The following FGF12 variants were observed in gnomAD, a reference collection of about 807,000 sequenced individuals.
The protein encoded by FGF12 is fibroblast growth factor 12.
A neutral mutation model predicts 23.6 loss-of-function variants in FGF12; 14 were observed. The observed-to-expected ratio is 0.59, with a 90% CI of 0.39 to 0.93. The LOEUF (loss-of-function observed/expected upper bound fraction) is 0.93, where lower values mean the gene tolerates loss of function less well. Ranked by LOEUF, FGF12 falls within the 40% of genes least tolerant of loss-of-function variation. The pLI is 0.00. For synonymous variants in FGF12, 62 were observed against 77.3 expected, an observed-to-expected ratio of 0.80 and a Z score of 1.04; for missense variants, 175 against 217.8, an observed-to-expected ratio of 0.80 and a Z score of 1.24.
rs182627235 is a variant in FGF12, at chr3:192,321,127, A to C, written c.228+14234T>G. Among the ~76,000 whole-genome samples the C allele has an allele frequency of 9.2e-5, 14 of 152,248 alleles. No individual in the cohort carries two copies. In the East Asian group the frequency reaches 2.3e-3, roughly 25 times the overall value. On this transcript the variant is annotated intron_variant, in intron 4 of 5. Transcript: ENST00000445105. ...AAAATCAGAGACAAAAAAAGGAGAC[A>C]TTACAACTGCTACCACAGAAATTCA...
intron 2 of FGF12, among the ~76,000 whole-genome samples, chr3:192,387,716 AC>A (rs1207377001): frequency 6.3e-5 from 9 of 142,542 alleles, no homozygotes; most frequent in African/African-American, 2.3e-4. Context: ...ACACACACAC[AC>A]AATATATATA....
chr3:192,663,736 G>A (rs1335970762), intron 2 of FGF12, among the ~76,000 whole-genome samples: 6 of 151,688 alleles, frequency 4.0e-5, no homozygotes, highest in Admixed American at 2.6e-4. Flanking sequence ...CTCTCAGAAC[G>A]GTTTCCTTCC....
chr3:192,226,793 C>A (rs1457497146), intron 4 of FGF12, among the ~76,000 whole-genome samples: 1 of 151,928 alleles, frequency 6.6e-6, no homozygotes, highest in Non-Finnish European at 1.5e-5. Flanking sequence ...AATGTTATCA[C>A]CACAAAAATG....
intron 4 of FGF12, among the ~76,000 whole-genome samples, chr3:192,302,093 G>A (rs1472460710): frequency 6.6e-6 from 1 of 152,166 alleles, no homozygotes; most frequent in Admixed American, 6.5e-5. Context: ...CACAACACTT[G>A]CTTTGCAGAA....
rs1216542838 is a variant in FGF12, at chr3:192,378,027, TTTCTTTCTTTCTTTC to T, written c.14-17504_14-17490del. ...AGATCCCTTTCTTCTGACTCTTTCT[TTTCTTTCTTTCTTTC>T]TTTCTTTCTTTCTTTCTTTCTTTCT... On this transcript the variant is annotated intron_variant, in intron 2 of 5. Coordinates refer to ENST00000445105, the MANE Select transcript of FGF12 (RefSeq NM_004113.6). Among the ~76,000 whole-genome samples, 38 of 7,594 alleles carry T rather than the reference TTTCTTTCTTTCTTTC, an allele frequency of 5.0e-3. 4 individuals carry two copies. Among genetic ancestry groups the T allele is most frequent in the Non-Finnish European group, 6.2e-3 (30 of 4,808 alleles). The allele number at this position is 7,594 out of a possible 152,430, so 5.0% of individuals were successfully genotyped here.
At chr3:192,295,535 T>C (rs1374894050) in intron 4 of FGF12, among the ~76,000 whole-genome samples, 2 of 152,188 alleles carry the variant, frequency 1.3e-5, no homozygotes, top group African/African-American at 2.4e-5. Flanking sequence ...AGTGTGGATA[T>C]ATCAAATTAA....
chr3:192,482,906 G>A (rs890636665), intron 2 of FGF12, among the ~76,000 whole-genome samples: 3 of 152,156 alleles, frequency 2.0e-5, no homozygotes, highest in Non-Finnish European at 4.4e-5. Context: ...GATAAAATGT[G>A]CATGGTAAAA....
Position 192,514,660 on chromosome 3 carries a change from T to C in FGF12, c.14-154122A>G, listed in dbSNP as rs1452852947. 1.1e-5 allele frequency: 11 copies of C among 983,366 alleles called. No individual in the cohort carries two copies. Among genetic ancestry groups the C allele is most frequent in the Non-Finnish European group, 1.3e-5 (11 of 828,162 alleles). The allele number at this position is 983,366 out of a possible 1,614,324, so 60.9% of individuals were successfully genotyped here. On this transcript the variant is annotated intron_variant, in intron 2 of 5. Coordinates refer to ENST00000445105, the MANE Select transcript of FGF12 (RefSeq NM_004113.6). The surrounding 1 kb of genome is among the most constrained non-coding windows in gnomAD (Gnocchi z 4.9). ...GTTTGGGGGCTGGGGAAAGAACATT[T>C]TCTCACCACTTGGGCTGTCGCTGGA...
chr3:192,506,577 G>T (rs577513229), intron 2 of FGF12, among the ~76,000 whole-genome samples: 15 of 152,186 alleles, frequency 9.9e-5, no homozygotes, highest in Middle Eastern at 3.4e-3. Flanking sequence ...TCACCACGTT[G>T]GCCAGGCTGG....
intron 4 of FGF12, among the ~76,000 whole-genome samples, chr3:192,294,015 T>C (rs1327969645): frequency 6.6e-6 from 1 of 152,198 alleles, no homozygotes; most frequent in Non-Finnish European, 1.5e-5. Flanking sequence ...AATTGAATCA[T>C]GGGGGTGGTT....
chr3:192,465,494 C>T (rs1358120263), intron 2 of FGF12, among the ~76,000 whole-genome samples: 1 of 152,148 alleles, frequency 6.6e-6, no homozygotes, highest in African/African-American at 2.4e-5. Context: ...GGAACTGAGG[C>T]TGCTGTCTCT....
intron 2 of FGF12, among the ~76,000 whole-genome samples, chr3:192,638,545 T>C (rs1577092304): frequency 6.6e-6 from 1 of 152,326 alleles, no homozygotes; most frequent in African/African-American, 2.4e-5. Flanking sequence ...TGTTTCAAAA[T>C]TACTGCCATT....
chr3:192,317,643 T>A (rs992178824), intron 4 of FGF12, among the ~76,000 whole-genome samples: 1 of 152,038 alleles, frequency 6.6e-6, no homozygotes, highest in African/African-American at 2.4e-5. Context: ...TGAACCTACA[T>A]GGGGGAAAAG....
At chr3:192,494,581 T>C (rs1416132221) in intron 2 of FGF12, among the ~76,000 whole-genome samples, 2 of 152,172 alleles carry the variant, frequency 1.3e-5, no homozygotes, top group African/African-American at 4.8e-5. Context: ...TGCATTCTAG[T>C]GTGATAATAT....
chr3:192,419,841 T>C (rs116625834), intron 2 of FGF12, among the ~76,000 whole-genome samples: 426 of 152,262 alleles, frequency 2.8e-3, no homozygotes, highest in African/African-American at 9.9e-3. Flanking sequence ...AGCACAGAGC[T>C]AAACACTTCT....
chr3:192,458,422 A>G (rs1223128260), intron 2 of FGF12, among the ~76,000 whole-genome samples: 1 of 152,236 alleles, frequency 6.6e-6, no homozygotes, highest in African/African-American at 2.4e-5. Context: ...GCCCAAGACC[A>G]TGGAAACCCA....
At chr3:192,697,536 A>G (rs1476093997) in intron 2 of FGF12, among the ~76,000 whole-genome samples, 2 of 152,182 alleles carry the variant, frequency 1.3e-5, no homozygotes, top group African/African-American at 4.8e-5. Flanking sequence ...AGAAGGCTCA[A>G]ATGTTACTTG....
intron 2 of FGF12, among the ~76,000 whole-genome samples, chr3:192,434,208 CAG>C (rs1421627744): frequency 5.9e-5 from 9 of 152,146 alleles, no homozygotes; most frequent in African/African-American, 1.9e-4. Context: ...GAGCCCCTCC[CAG>C]AACTTGGAAG....
At chr3:192,623,064 T>A (rs1157059904) in intron 2 of FGF12, among the ~76,000 whole-genome samples, 1 of 152,204 alleles carries the variant, frequency 6.6e-6, no homozygotes, top group Admixed American at 6.5e-5. Flanking sequence ...TTCAATTAAA[T>A]CAAATAAACA....
Sources: allele counts gnomAD v4.1 joint callset (sites outside exome capture counted in the v4.1 genomes callset), GRCh38; gene constraint gnomAD v4.1.1; non-coding constraint Gnocchi (gnomAD v3.1); transcripts MANE v1.5; gene names NCBI Gene and HGNC (gene_info 2026-07-23, HGNC 2026-07-21).